PCDHAC2: variants seen among roughly 807,000 people sequenced by gnomAD.
PCDHAC2 encodes the protein protocadherin alpha-C2.
A neutral mutation model predicts 63.3 loss-of-function variants in PCDHAC2; 24 were observed. The observed-to-expected ratio is 0.38, with a 90% CI of 0.27 to 0.53. The LOEUF is 0.53. Among genes scored for constraint, PCDHAC2 ranks in the 20% least tolerant of loss-of-function variants. The pLI is 0.81. For missense variants in PCDHAC2, 1,181 were observed against 1,275.2 expected (o/e 0.93, Z 1.12); for synonymous variants, 569 against 529.4 (o/e 1.07, Z -1.03).
In PCDHAC2 at chr5:141,010,200, C is replaced by T. The variant is rs1356287133; in HGVS notation, c.*263C>T. On this transcript the variant is annotated 3_prime_UTR_variant, in exon 4 of 4. Coordinates refer to ENST00000289269, the MANE Select transcript of PCDHAC2 (RefSeq NM_018899.6). ...AGCAGACCCAAGTTTCCTTTCTCCTCCGCCGCAAAGGAGAGGCTTCCCAGC... is the reference window on the plus strand; with the variant it reads ...AGCAGACCCAAGTTTCCTTTCTCCTTCGCCGCAAAGGAGAGGCTTCCCAGC... The T allele has an allele frequency of 1.3e-6, 2 of 1,551,984 alleles. No individual in the cohort carries two copies. Among genetic ancestry groups the T allele is most frequent in the African/African-American group, 2.7e-5 (2 of 73,038 alleles).
At position 141,010,023 on chromosome 5, in the gene PCDHAC2, C is replaced by T. The variant is rs1196328903; in HGVS notation, c.*86C>T. Reference sequence around the variant, plus strand: ...TGTAGCAATTCCCTGCTCCTTTTTCCTATCTACATGAGCCCTCTTAGAGAC... The same window carrying T: ...TGTAGCAATTCCCTGCTCCTTTTTCTTATCTACATGAGCCCTCTTAGAGAC... On this transcript the variant is annotated 3_prime_UTR_variant, in exon 4 of 4. Transcript: ENST00000289269. 10 of 1,571,304 alleles carry T rather than the reference C, an allele frequency of 6.4e-6. No homozygotes were observed. Among genetic ancestry groups the T allele is most frequent in the Non-Finnish European group, 8.6e-6 (10 of 1,163,016 alleles).
Position 140,985,739 on chromosome 5 carries a change from C to CTT in PCDHAC2, c.2713+3195_2713+3196dup, listed in dbSNP as rs11372071. 6.5e-3 allele frequency among the ~76,000 whole-genome samples: 761 copies of CTT among 117,902 alleles called. 21 individuals carry two copies. The highest frequency in any genetic ancestry group is 0.054 in the East Asian group (218 of 4,012). The allele number at this position is 117,902 out of a possible 152,430, so 77.3% of individuals were successfully genotyped here. On this transcript the variant is annotated intron_variant, in intron 3 of 3. Transcript: ENST00000289269. ...TTATTTTTCCTTCACTGATGAATTC[C>CTT]TTTTTTTTTTTTTTTTTTTTGAGAC...
Position 140,967,669 on chromosome 5 carries a change from G to T in PCDHAC2, c.903G>T (p.Ser301=), listed in dbSNP as rs782398219. Residue 301 remains serine (S), a synonymous_variant, in exon 1 of 4, where the codon TCG becomes TCT. Coordinates refer to ENST00000289269, the MANE Select transcript of PCDHAC2 (RefSeq NM_018899.6). The stretch of plus-strand genomic sequence containing the variant: ...GGTACTCCTTGAGCAGCTACACGTC[G>T]GACCGGGAGAGGCAGCTCTTCAGCA... ...ELRYSLSSYT[S]DRERQLFSID... The T allele has an allele frequency of 6.2e-7, 1 of 1,614,126 alleles. No individual in the cohort carries two copies. Among genetic ancestry groups the T allele is most frequent in the Non-Finnish European group, 8.5e-7 (1 of 1,180,018 alleles).
At position 140,967,820 on chromosome 5, in the gene PCDHAC2, C is replaced by A. The variant is rs1162525542; in HGVS notation, c.1054C>A (p.Leu352Met). The change falls in exon 1 of 4, where the codon CTG becomes ATG. Residue 352 changes from leucine to methionine, a missense_variant. Leu to Met is a conservative substitution (Grantham distance 15, BLOSUM62 2). This residue lies in a region of PCDHAC2 where 968 missense variants were observed against 1,073.5 expected (regional missense o/e 0.90). Coordinates refer to ENST00000289269, the MANE Select transcript of PCDHAC2 (RefSeq NM_018899.6). ...GCCCATGGCAGGTCACTGCAAGGTG[C>A]TGGTGGACATCGTGGACGTGAATGA... ...PVPMAGHCKV[L>M]VDIVDVNDNA... 1.8e-5 allele frequency: 29 copies of A among 1,614,052 alleles called. No individual in the cohort carries two copies. The highest frequency in any genetic ancestry group is 2.5e-5 in the Non-Finnish European group (29 of 1,180,048).
rs975637071 is a variant in PCDHAC2 at position 141,011,970 on chromosome 5, C to A, written c.*2033C>A. On this transcript the variant is annotated 3_prime_UTR_variant, in exon 4 of 4. Transcript: ENST00000289269. ...AGCATTAAATTTAAAAAAAAACTGTCTTGTCTACTTTTAGCTTCATTCTCC... is the reference window on the plus strand; with the variant it reads ...AGCATTAAATTTAAAAAAAAACTGTATTGTCTACTTTTAGCTTCATTCTCC... 6.5e-6 allele frequency: 1 copy of A among 153,576 alleles called. No individual in the cohort carries two copies. The highest frequency in any genetic ancestry group is 6.6e-5 in the Admixed American group (1 of 15,252). The allele number at this position is 153,576 out of a possible 1,614,324, so 9.5% of individuals were successfully genotyped here. A position where few individuals can be genotyped will look rare whatever the true frequency, so the allele number is the denominator to read the frequency against.
chr5:140,966,753 C>T lies in PCDHAC2; in HGVS notation c.-14C>T. 7.0e-7 allele frequency: 1 copy of T among 1,433,176 alleles called. No individual in the cohort carries two copies. Among genetic ancestry groups the T allele is most frequent in the South Asian group, 1.5e-5 (1 of 66,866 alleles). 88.8% of individuals were successfully genotyped at this position (1,433,176 alleles called of 1,614,324 possible). On this transcript the variant is annotated 5_prime_UTR_variant, in exon 1 of 4. Transcript: ENST00000289269. ...TCCGGCCCTGCCCGGCTGCCTCCGC[C>T]GCGGCCAGTGGCTATGGAGCAGGCG... is the stretch of plus-strand genomic sequence containing the variant.
At position 140,978,970 on chromosome 5, in the gene PCDHAC2, T is replaced by A; in HGVS notation, c.2587T>A (p.Trp863Arg). The change falls in exon 2 of 4, where the codon TGG (tryptophan) becomes AGG (arginine). Residue 863 changes from tryptophan to arginine, a missense_variant. Coordinates refer to ENST00000289269, the MANE Select transcript of PCDHAC2 (RefSeq NM_018899.6). ...QNEPRQPNPD[W>R]RYSASLRAGM... is the part of the protein sequence containing the mutation. Reference sequence around the variant, plus strand: ...GCAGCCACGACAGCCCAACCCTGACTGGCGTTACTCTGCCTCCCTGAGAGC... The same window carrying A: ...GCAGCCACGACAGCCCAACCCTGACAGGCGTTACTCTGCCTCCCTGAGAGC... 6.2e-7 allele frequency: 1 copy of A among 1,614,216 alleles called. No homozygotes were observed. Among genetic ancestry groups the A allele is most frequent in the Admixed American group, 1.7e-5 (1 of 60,030 alleles).
chr5:140,993,462 TCACACACACACA>T (rs3836747), intron 3 of PCDHAC2, among the ~76,000 whole-genome samples: 1,999 of 141,038 alleles, frequency 0.014, 48 homozygotes, highest in African/African-American at 0.047. Context: ...TCTTTCTTTC[TCACACACACACA>T]CACACACACA....
chr5:140,981,944 G>A (rs893119825), intron 2 of PCDHAC2, among the ~76,000 whole-genome samples: 2 of 152,174 alleles, frequency 1.3e-5, no homozygotes, highest in Non-Finnish European at 2.9e-5. Flanking sequence ...GAAATATAGG[G>A]TGGGTCATCT....
rs1554230602 is a variant in PCDHAC2 at position 140,968,307 on chromosome 5, A to G, written c.1541A>G (p.Gln514Arg). The change falls in exon 1 of 4, where the codon CAA becomes CGA. Residue 514 changes from glutamine (Q) to arginine (R), a missense_variant. By Grantham distance (43) the Gln-to-Arg change is conservative. Transcript: ENST00000289269. ...VTYSLLEREI[Q>R]GLPVTSYVSI... ...TACTCCCTTCTGGAGAGGGAGATTC[A>G]AGGGCTGCCAGTCACCTCCTATGTC... The G allele has an allele frequency of 6.2e-7, 1 of 1,613,964 alleles. No homozygotes were observed. Among genetic ancestry groups the G allele is most frequent in the South Asian group, 1.1e-5 (1 of 91,076 alleles).
chr5:140,966,543 A>T lies in PCDHAC2; in HGVS notation c.-224A>T, dbSNP rs200134570. 4 of 461,074 alleles carry T rather than the reference A, an allele frequency of 8.7e-6. No homozygotes were observed. Among genetic ancestry groups the T allele is most frequent in the Non-Finnish European group, 1.5e-5 (4 of 269,280 alleles). 28.6% of individuals were successfully genotyped at this position (461,074 alleles called of 1,614,324 possible). The stretch of plus-strand genomic sequence containing the variant: ...AGCCGAGCCGGGTTGAGCGACTCGG[A>T]GGCGAGCGGAGGAGCTGGAATATGG... On this transcript the variant is annotated 5_prime_UTR_variant, in exon 1 of 4. Coordinates refer to ENST00000289269, the MANE Select transcript of PCDHAC2 (RefSeq NM_018899.6).
At position 140,968,564 on chromosome 5, in the gene PCDHAC2, G is replaced by A. The variant is rs565573880; in HGVS notation, c.1798G>A (p.Ala600Thr). ...CGAGATGGTGCCTCGAACTGCCCCT[G>A]CTGGCTACCTGGTCACCAAAGTCAT... ...AFEMVPRTAPAGYLVTKVIAM... is the reference protein window; with the variant it reads ...AFEMVPRTAPTGYLVTKVIAM... The change falls in exon 1 of 4, where the codon GCT becomes ACT. Residue 600 changes from alanine to threonine, a missense_variant. Coordinates refer to ENST00000289269, the MANE Select transcript of PCDHAC2 (RefSeq NM_018899.6). 3.1e-6 allele frequency: 5 copies of A among 1,614,168 alleles called. No homozygotes were observed. The Admixed American group carries it at 8.3e-5, about 27-fold the overall frequency.
Position 141,011,605 on chromosome 5 carries a change from T to C in PCDHAC2, c.*1668T>C, listed in dbSNP as rs971128266. On this transcript the variant is annotated 3_prime_UTR_variant, in exon 4 of 4. Coordinates refer to ENST00000289269, the MANE Select transcript of PCDHAC2 (RefSeq NM_018899.6). The stretch of plus-strand genomic sequence containing the variant: ...AAGATACTGGTGATTCAAGGAATTT[T>C]ATTTATGGTCCAGCCAAGAGCCATC... 4 of 153,780 alleles carry C rather than the reference T, an allele frequency of 2.6e-5. No homozygotes were observed. Among genetic ancestry groups the C allele is most frequent in the Non-Finnish European group, 4.4e-5 (3 of 68,032 alleles). 9.5% of individuals were successfully genotyped at this position (153,780 alleles called of 1,614,324 possible). A position where few individuals can be genotyped will look rare whatever the true frequency, so the allele number is the denominator to read the frequency against.
In PCDHAC2 at chr5:140,969,100, C is replaced by T. The variant is rs781998624; in HGVS notation, c.2334C>T (p.Phe778=). ...IPHGLKVQPH[F]IEVRGNGSLT... is the part of the protein sequence containing the mutation. ...ATGGCCTCAAAGTGCAGCCTCACTT[C>T]ATTGAAGTTCGAGGGAATGGCTCCC... Residue 778 remains phenylalanine (F), a synonymous_variant, in exon 1 of 4, where the codon TTC becomes TTT. Coordinates refer to ENST00000289269, the MANE Select transcript of PCDHAC2 (RefSeq NM_018899.6). The T allele has an allele frequency of 8.7e-6, 14 of 1,614,054 alleles. No individual in the cohort carries two copies. The South Asian group carries it at 8.8e-5, about 10-fold the overall frequency.
At position 141,011,260 on chromosome 5, in the gene PCDHAC2, C is replaced by T. The variant is rs2098420018; in HGVS notation, c.*1323C>T. On this transcript the variant is annotated 3_prime_UTR_variant, in exon 4 of 4. Coordinates refer to ENST00000289269, the MANE Select transcript of PCDHAC2 (RefSeq NM_018899.6). ...TGACTTGTCTTGGTGTGCTAGCCTA[C>T]ACCTTCTCTTTGGTTTAGTTTTCCT... The T allele has an allele frequency of 6.5e-6, 1 of 153,766 alleles. No individual in the cohort carries two copies. The highest frequency in any genetic ancestry group is 6.5e-5 in the Admixed American group (1 of 15,278). 9.5% of individuals were successfully genotyped at this position (153,766 alleles called of 1,614,324 possible).
intron 2 of PCDHAC2, among the ~76,000 whole-genome samples, chr5:140,980,631 A>G (rs1272240071): frequency 6.6e-6 from 1 of 152,222 alleles, no homozygotes; most frequent in Non-Finnish European, 1.5e-5. Flanking sequence ...TCTGTCTCAG[A>G]AGAATAAATA....
chr5:140,970,687 CT>C (rs1464659851), intron 1 of PCDHAC2, among the ~76,000 whole-genome samples: 1 of 152,078 alleles, frequency 6.6e-6, no homozygotes, highest in Non-Finnish European at 1.5e-5. Flanking sequence ...GTAGAAAGGG[CT>C]TTTAGAGCTA....
At chr5:141,006,181 G>A (rs960173277) in intron 3 of PCDHAC2, among the ~76,000 whole-genome samples, 1 of 150,918 alleles carries the variant, frequency 6.6e-6, no homozygotes, top group Non-Finnish European at 1.5e-5. Flanking sequence ...TTTTAAAAGA[G>A]TTTGCTATAT....
At chr5:140,978,907 G>A (rs782602741) in intron 1 of PCDHAC2, 42 bp from the exon 2 acceptor site, 3 of 1,613,766 alleles carry the variant, frequency 1.9e-6, no homozygotes, top group South Asian at 2.2e-5. Context: ...GGAGAACATT[G>A]TCTTGTCATT....
Sources: gnomAD v4.1 joint callset for allele counts (sites outside exome capture counted in the v4.1 genomes callset) on GRCh38, gnomAD v4.1.1 for gene constraint, gnomAD v4.1.1 regional missense constraint, MANE v1.5 for transcripts, NCBI Gene and HGNC (gene_info 2026-07-23, HGNC 2026-07-21) for gene names.